The following PPP4R4 variants were observed in gnomAD, a reference collection of about 807,000 sequenced individuals.
PPP4R4 encodes serine/threonine-protein phosphatase 4 regulatory subunit 4.
A neutral mutation model predicts 121.8 loss-of-function variants in PPP4R4; 70 were observed. The observed-to-expected ratio is 0.57, with a 90% CI of 0.47 to 0.70. The LOEUF is 0.70. PPP4R4 is among the 30% of genes least tolerant of loss of function. PPP4R4 has a pLI of 0.00. For missense variants in PPP4R4, 875 were observed against 1,033.6 expected (o/e 0.85, Z 2.10); for synonymous variants, 348 against 355.7 (o/e 0.98, Z 0.24).
chr14:94,278,803 T>A lies in PPP4R4; in HGVS notation c.*160T>A. 1 of 529,106 alleles carries A rather than the reference T, an allele frequency of 1.9e-6. No homozygotes were observed. Among genetic ancestry groups the A allele is most frequent in the Non-Finnish European group, 3.1e-6 (1 of 327,632 alleles). 32.8% of individuals were successfully genotyped at this position (529,106 alleles called of 1,614,324 possible). A position where few individuals can be genotyped will look rare whatever the true frequency, so the allele number is the denominator to read the frequency against. On this transcript the variant is annotated 3_prime_UTR_variant, in exon 25 of 25. Transcript: ENST00000304338. ...AGAGAGACATAATGACAGCTGATGT[T>A]AAACTTTTCATATTTCAAATTAGAT...
chr14:94,228,022 T>C (rs1038479927), intron 3 of PPP4R4, among the ~76,000 whole-genome samples: 1 of 152,182 alleles, frequency 6.6e-6, no homozygotes, highest in African/African-American at 2.4e-5. Context: ...CTTTCCCTCT[T>C]TCTCTCAGCC....
chr14:94,251,105 G>T (rs1383541509), intron 15 of PPP4R4, among the ~76,000 whole-genome samples: 1 of 151,862 alleles, frequency 6.6e-6, no homozygotes, highest in Non-Finnish European at 1.5e-5. Context: ...CTCATGTTTA[G>T]AATGTTTTAT....
rs149310754 is a variant in PPP4R4, at chr14:94,243,943, G to T, written c.1267-692G>T. ...TCAAAAACAACCCTGTTAGAGCAAA[G>T]AATTTTAAAACACTTTCTTTATCCA... On this transcript the variant is annotated intron_variant, in intron 11 of 24. Coordinates refer to ENST00000304338, the MANE Select transcript of PPP4R4 (RefSeq NM_058237.2). Among the ~76,000 whole-genome samples the T allele has an allele frequency of 1.8e-3, 268 of 151,466 alleles. 3 individuals carry two copies. In the South Asian group the frequency reaches 0.03, roughly 17 times the overall value.
Position 94,266,964 on chromosome 14 carries a change from G to A in PPP4R4, c.2384G>A (p.Ser795Asn). Residue 795 changes from serine (S) to asparagine (N), a missense_variant, in exon 23 of 25, where the codon AGT becomes AAT. Physicochemically the swap from Ser to Asn is conservative, Grantham distance 46. Transcript: ENST00000304338. ...TAAATCATGTTGTTTTCTAGTAAAA[G>A]TTCTACAACAGGATATACAACTTCT... ...YGNLEKCASKSSTTGYTTSVS... is the reference protein window; with the variant it reads ...YGNLEKCASKNSTTGYTTSVS... 6.3e-7 allele frequency: 1 copy of A among 1,575,680 alleles called. No homozygotes were observed. The highest frequency in any genetic ancestry group is 8.7e-7 in the Non-Finnish European group (1 of 1,149,686).
intron 14 of PPP4R4, among the ~76,000 whole-genome samples, chr14:94,248,319 A>G (rs1202992907): frequency 6.6e-6 from 1 of 152,178 alleles, no homozygotes; most frequent in African/African-American, 2.4e-5. Flanking sequence ...TTTAATAGCC[A>G]CAAAAAAAAT....
At chr14:94,266,439 A>T (rs1894058006) in intron 22 of PPP4R4, among the ~76,000 whole-genome samples, 1 of 152,184 alleles carries the variant, frequency 6.6e-6, no homozygotes, top group South Asian at 2.1e-4. Context: ...GTGCTATACA[A>T]ACTGCTGTAT....
chr14:94,243,477 T>C (rs1892735381), intron 11 of PPP4R4, among the ~76,000 whole-genome samples: 1 of 152,102 alleles, frequency 6.6e-6, no homozygotes, highest in Non-Finnish European at 1.5e-5. Context: ...CCAGAGAGGG[T>C]TGTACAAGTT....
chr14:94,224,188 G>A (rs561867174), intron 3 of PPP4R4, among the ~76,000 whole-genome samples: 29 of 152,216 alleles, frequency 1.9e-4, no homozygotes, highest in African/African-American at 7.0e-4. Context: ...AGTGTGCCTA[G>A]AGCATAAAGC....
At chr14:94,259,216 T>A in intron 18 of PPP4R4, 79 bp from the exon 19 acceptor site, 2 of 1,521,892 alleles carry the variant, frequency 1.3e-6, no homozygotes, top group Non-Finnish European at 1.8e-6. Flanking sequence ...AACCATATCA[T>A]TTATATTGAA....
intron 16 of PPP4R4, among the ~76,000 whole-genome samples, chr14:94,255,751 T>G (rs1440493337): frequency 6.6e-6 from 1 of 152,226 alleles, no homozygotes. Context: ...CTAGCTGCAG[T>G]CTAATTTCAA....
chr14:94,200,851 T>G (rs1420247313), intron 2 of PPP4R4, among the ~76,000 whole-genome samples: 1 of 151,962 alleles, frequency 6.6e-6, no homozygotes, highest in South Asian at 2.1e-4. Flanking sequence ...TGATCTTTGT[T>G]ACTTCTTTTC....
chr14:94,221,073 G>A (rs533960610), intron 3 of PPP4R4, among the ~76,000 whole-genome samples: 59 of 152,218 alleles, frequency 3.9e-4, no homozygotes, highest in African/African-American at 1.4e-3. Flanking sequence ...GAAAGTTTAA[G>A]AAAACTCACA....
chr14:94,221,012 A>C (rs1344084532), intron 3 of PPP4R4, among the ~76,000 whole-genome samples: 1 of 152,172 alleles, frequency 6.6e-6, no homozygotes, highest in Non-Finnish European at 1.5e-5. Context: ...CACAGCAGTT[A>C]ATACTGTATG....
At chr14:94,227,399 G>T (rs779564248) in intron 3 of PPP4R4, 1 of 1,599,208 alleles carries the variant, frequency 6.3e-7, no homozygotes, top group South Asian at 1.1e-5. Flanking sequence ...AACTCTTATT[G>T]TATTATGTTT....
intron 2 of PPP4R4, among the ~76,000 whole-genome samples, chr14:94,179,018 C>T (rs1888829251): frequency 6.6e-6 from 1 of 152,202 alleles, no homozygotes; most frequent in Non-Finnish European, 1.5e-5. Flanking sequence ...TCTATCTTAG[C>T]TGTGCAATGT....
chr14:94,230,509 C>G, intron 3 of PPP4R4, 78 bp from the exon 4 acceptor site: 1 of 1,360,688 alleles, frequency 7.3e-7, no homozygotes, highest in East Asian at 2.4e-5. Context: ...TATTTAGTTT[C>G]TACAACCTTG....
chr14:94,252,035 T>C (rs1893211352), intron 16 of PPP4R4, 139 bp downstream of exon 16: 1 of 654,052 alleles, frequency 1.5e-6, no homozygotes, highest in African/African-American at 1.9e-5. Flanking sequence ...TTAGTATTCA[T>C]AATTGATGGG....
chr14:94,221,473 T>G (rs1404982636), intron 3 of PPP4R4, among the ~76,000 whole-genome samples: 1 of 152,086 alleles, frequency 6.6e-6, no homozygotes, highest in African/African-American at 2.4e-5. Flanking sequence ...TGTTCAGAAT[T>G]CATAAAGAAC....
intron 10 of PPP4R4, 44 bp downstream of exon 10, chr14:94,242,001 C>A (rs1214121976): frequency 2.6e-6 from 4 of 1,509,674 alleles, no homozygotes; most frequent in Non-Finnish European, 3.6e-6. Flanking sequence ...TTTATTATAA[C>A]TTTAAAATAT....
Sources: allele counts gnomAD v4.1 joint callset (sites outside exome capture counted in the v4.1 genomes callset), GRCh38; gene constraint gnomAD v4.1.1; transcripts MANE v1.5; gene names NCBI Gene and HGNC (gene_info 2026-07-23, HGNC 2026-07-21).